NXPE1: variants seen among roughly 807,000 people sequenced by gnomAD.
NXPE1 encodes the protein neurexophilin and PC-esterase domain family member 1.
NXPE1 carries 31 observed loss-of-function variants against 33.3 expected under a neutral mutation model. That is an observed-to-expected ratio of 0.93 (90% CI 0.70 to 1.26). The LOEUF (loss-of-function observed/expected upper bound fraction) is 1.26. Among genes scored for constraint, NXPE1 ranks in the 50% most tolerant of loss-of-function variants. NXPE1 has a pLI of 0.00. For synonymous variants in NXPE1, 229 were observed against 231.4 expected (o/e 0.99, Z 0.09); for missense variants, 661 against 655.6 (o/e 1.01, Z -0.09).
intron 6 of NXPE1, chr11:114,529,412 A>T (rs1484704969): frequency 6.6e-6 from 1 of 152,266 alleles, no homozygotes; most frequent in South Asian, 2.1e-4. Flanking sequence ...GTTTCATTCT[A>T]ATCAACAAAG....
intron 5 of NXPE1, among the ~76,000 whole-genome samples, chr11:114,533,516 C>A (rs539490115): frequency 2.6e-5 from 4 of 152,182 alleles, no homozygotes; most frequent in Admixed American, 2.6e-4. Flanking sequence ...CACAAGCGGT[C>A]AGGGAATTTC....
chr11:114,527,524 T>G (rs75454205), intron 7 of NXPE1, among the ~76,000 whole-genome samples: 291 of 152,260 alleles, frequency 1.9e-3, no homozygotes, highest in African/African-American at 6.8e-3. Context: ...AAACCGAAAG[T>G]GTTCCTATTC....
chr11:114,537,900 A>G (rs1335634387), intron 5 of NXPE1, among the ~76,000 whole-genome samples: 1 of 152,140 alleles, frequency 6.6e-6, no homozygotes, highest in African/African-American at 2.4e-5. Context: ...CAAGCTACCA[A>G]TGACTTTCTT....
chr11:114,524,773 G>A (rs529733228), intron 7 of NXPE1, among the ~76,000 whole-genome samples: 2 of 152,120 alleles, frequency 1.3e-5, no homozygotes, highest in East Asian at 1.9e-4. Flanking sequence ...ATTTTGCCAC[G>A]TCTCAAACTT....
At chr11:114,538,190 AT>A (rs1947921820) in intron 5 of NXPE1, among the ~76,000 whole-genome samples, 1 of 152,212 alleles carries the variant, frequency 6.6e-6, no homozygotes, top group Non-Finnish European at 1.5e-5. Context: ...AGGATTCCCT[AT>A]TTAATAAATG....
chr11:114,547,488 A>G (rs1948322256), intron 5 of NXPE1, among the ~76,000 whole-genome samples: 1 of 152,216 alleles, frequency 6.6e-6, no homozygotes, highest in Non-Finnish European at 1.5e-5. Context: ...TAATCCCAGC[A>G]CTTTGGGAGG....
At chr11:114,543,264 G>A (rs1948165277) in intron 5 of NXPE1, among the ~76,000 whole-genome samples, 2 of 152,112 alleles carry the variant, frequency 1.3e-5, no homozygotes, top group South Asian at 2.1e-4. Context: ...GCTGAGGCAG[G>A]AGAATTGCTT....
At chr11:114,530,426 C>G (rs1947536381) in exon 6 of NXPE1, 1 of 1,614,192 alleles carries the variant, frequency 6.2e-7, no homozygotes. Context: ...GGTTCCTTGC[C>G]CTCCAGAGAG....
Position 114,530,802 on chromosome 11 carries a change from GTC to G in NXPE1, c.204_205del (p.Glu68AspfsTer2). 1 of 1,614,216 alleles carries G rather than the reference GTC, an allele frequency of 6.2e-7. No individual in the cohort carries two copies. The highest frequency in any genetic ancestry group is 8.5e-7 in the Non-Finnish European group (1 of 1,180,032). The stretch of plus-strand genomic sequence containing the variant: ...TATGATTTCCTTTATTCTGAGTTCA[GTC>G]TCTGTTAGTGGCTTTAATGGTATCA... On this transcript the variant is annotated frameshift_variant, in exon 6 of 9. Transcript: ENST00000534921. LOFTEE classifies it high-confidence loss of function.
intron 6 of NXPE1, chr11:114,528,899 G>A: frequency 3.4e-6 from 2 of 583,054 alleles, no homozygotes; most frequent in Non-Finnish European, 6.4e-6. Flanking sequence ...TGGTTGATGG[G>A]TAGGAAGAGA....
chr11:114,519,883 T>C (rs1376727859), downstream of NXPE1, among the ~76,000 whole-genome samples: 2 of 151,994 alleles, frequency 1.3e-5, no homozygotes, highest in Non-Finnish European at 2.9e-5. Context: ...ACTGCACAAT[T>C]ACCTTTTGTT....
At chr11:114,539,428 T>TATAATA (rs111869237) in intron 5 of NXPE1, among the ~76,000 whole-genome samples, 34,232 of 151,688 alleles carry the variant, frequency 0.23, 5,401 homozygotes, top group African/African-American at 0.44. Context: ...AAACTTAAAG[T>TATAATA]ATAATAATAA....
chr11:114,533,514 G>A (rs1440915284), intron 5 of NXPE1, among the ~76,000 whole-genome samples: 1 of 152,234 alleles, frequency 6.6e-6, no homozygotes, highest in Non-Finnish European at 1.5e-5. Flanking sequence ...AGCACAAGCG[G>A]TCAGGGAATT....
downstream of NXPE1, among the ~76,000 whole-genome samples, chr11:114,520,008 G>A (rs1453358824): frequency 7.6e-6 from 1 of 132,294 alleles, no homozygotes; most frequent in Non-Finnish European, 1.6e-5. Flanking sequence ...TAAAGACGGG[G>A]TTTCACTGTG....
intron 1 of NXPE1, among the ~76,000 whole-genome samples, chr11:114,556,414 T>G (rs1224172864): frequency 2.0e-5 from 3 of 152,240 alleles, no homozygotes; most frequent in Admixed American, 6.5e-5. Flanking sequence ...GTCAAAGATT[T>G]GAGAGTAGAT....
exon 9 of NXPE1, chr11:114,522,302 G>A (rs1369290273): frequency 1.2e-6 from 2 of 1,613,960 alleles, no homozygotes; most frequent in African/African-American, 1.3e-5. Flanking sequence ...CTGGCCAAAG[G>A]TGATGACGAT....
intron 5 of NXPE1, among the ~76,000 whole-genome samples, chr11:114,531,611 GC>G (rs1236498985): frequency 2.6e-5 from 4 of 152,084 alleles, no homozygotes; most frequent in Admixed American, 2.6e-4. Flanking sequence ...TTTTTCTGTG[GC>G]CTATTTTCAA....
At chr11:114,555,517 G>A (rs1449997832) in intron 1 of NXPE1, among the ~76,000 whole-genome samples, 3 of 152,130 alleles carry the variant, frequency 2.0e-5, no homozygotes, top group South Asian at 2.1e-4. Flanking sequence ...GAGCCACCAC[G>A]CCCAGCCAAG....
intron 6 of NXPE1, 38 bp from the exon 7 acceptor site, chr11:114,527,939 T>G: frequency 6.7e-7 from 1 of 1,500,166 alleles, no homozygotes. Flanking sequence ...TAGCCTGCTC[T>G]CTGCCCATGT....
Sources: gnomAD v4.1 joint callset for allele counts (sites outside exome capture counted in the v4.1 genomes callset) on GRCh38, gnomAD v4.1.1 for gene constraint, MANE v1.5 for transcripts, NCBI Gene and HGNC (gene_info 2026-07-23, HGNC 2026-07-21) for gene names.